The following FAM193A variants were observed in gnomAD, a reference collection of about 807,000 sequenced individuals.
The protein encoded by FAM193A is family with sequence similarity 193 member A.
A neutral mutation model predicts 126.5 loss-of-function variants in FAM193A; 22 were observed. The ratio of observed to expected loss-of-function variants is 0.17; its 90% confidence interval spans 0.12 to 0.25. The LOEUF (loss-of-function observed/expected upper bound fraction) is 0.25, where lower values mean the gene tolerates loss of function less well. Ranked by LOEUF, FAM193A falls within the 10% of genes least tolerant of loss-of-function variation. The probability of loss-of-function intolerance (pLI) is 1.00; values close to 1 mark genes in which losing one functional copy is unlikely to be tolerated. For synonymous variants in FAM193A, 761 were observed against 646.8 expected, an observed-to-expected ratio of 1.18 and a Z score of -2.68; for missense variants, 1,675 against 1,672.8, an observed-to-expected ratio of 1.00 and a Z score of -0.02.
Position 2,631,106 on chromosome 4 carries a change from G to A in FAM193A, c.975G>A (p.Leu325=), listed in dbSNP as rs1474127807. The change falls in exon 5 of 21, where the codon CTG becomes CTA. Residue 325 remains leucine (L), a synonymous_variant. Coordinates refer to ENST00000637812, the MANE Select transcript of FAM193A (RefSeq NM_001366318.2). ...PPQAHQFISL[L]LEEYGALCQA... ...AAGCGCACCAGTTCATCTCCCTCCTGCTTGAGGAGTACGGCGCCCTCTGCC... is the reference window on the plus strand; with the variant it reads ...AAGCGCACCAGTTCATCTCCCTCCTACTTGAGGAGTACGGCGCCCTCTGCC... The A allele has an allele frequency of 1.9e-6, 3 of 1,613,796 alleles. No homozygotes were observed. In the African/African-American group the frequency reaches 4.0e-5, roughly 22 times the overall value.
intron 7 of FAM193A, among the ~76,000 whole-genome samples, chr4:2,651,757 C>T (rs1745691448): frequency 6.6e-6 from 1 of 152,210 alleles, no homozygotes; most frequent in Non-Finnish European, 1.5e-5. Context: ...GCCTCGCTGC[C>T]TGTCCTCAGG....
At chr4:2,611,256 A>G (rs112849561) in intron 2 of FAM193A, among the ~76,000 whole-genome samples, 7 of 151,276 alleles carry the variant, frequency 4.6e-5, no homozygotes, top group Admixed American at 4.0e-4. Context: ...TTTAATCTGC[A>G]TTTTCTATTT....
At chr4:2,726,064 A>AT (rs1720715703) in intron 20 of FAM193A, among the ~76,000 whole-genome samples, 1 of 151,394 alleles carries the variant, frequency 6.6e-6, no homozygotes, top group African/African-American at 2.4e-5. Flanking sequence ...ACGCCTGGCA[A>AT]TTTTTTTTGT....
intron 6 of FAM193A, among the ~76,000 whole-genome samples, chr4:2,641,168 G>C (rs568140589): frequency 7.3e-4 from 111 of 151,552 alleles, no homozygotes; most frequent in African/African-American, 2.5e-3. Context: ...AGCCTTCTGA[G>C]TAGCTGGGAT....
chr4:2,654,969 A>C, intron 7 of FAM193A: 1 of 528,564 alleles, frequency 1.9e-6, no homozygotes, highest in East Asian at 3.0e-5. Flanking sequence ...TGAATCTGGG[A>C]GTCTAGGAAA....
chr4:2,651,330 C>CA (rs200661378), intron 7 of FAM193A, among the ~76,000 whole-genome samples: 2,390 of 150,458 alleles, frequency 0.016, 57 homozygotes, highest in African/African-American at 0.055. Context: ...AACTCTGTCT[C>CA]AAAAAAAAAC....
chr4:2,573,688 A>C (rs986046117), intron 1 of FAM193A, among the ~76,000 whole-genome samples: 1 of 151,798 alleles, frequency 6.6e-6, no homozygotes, highest in African/African-American at 2.4e-5. Flanking sequence ...CTGGGAGCCT[A>C]CCTGTCGGGC....
chr4:2,567,857 C>A (rs952560222), intron 1 of FAM193A, among the ~76,000 whole-genome samples: 1 of 152,180 alleles, frequency 6.6e-6, no homozygotes, highest in Non-Finnish European at 1.5e-5. Flanking sequence ...ACTTCTTGGG[C>A]ACCTCAATCA....
At chr4:2,603,348 G>A (rs932056894) in intron 2 of FAM193A, among the ~76,000 whole-genome samples, 2 of 148,174 alleles carry the variant, frequency 1.3e-5, no homozygotes, top group African/African-American at 2.5e-5. Flanking sequence ...TCAATGGCGT[G>A]ATTTCGGCTC....
intron 20 of FAM193A, among the ~76,000 whole-genome samples, chr4:2,720,647 T>TAAA (rs200511084): frequency 1.7e-5 from 2 of 118,834 alleles, no homozygotes; most frequent in Non-Finnish European, 1.8e-5. Context: ...AGACTCTGTC[T>TAAA]AAAAAAAAAA....
At chr4:2,603,593 A>G (rs1741349981) in intron 2 of FAM193A, among the ~76,000 whole-genome samples, 1 of 149,472 alleles carries the variant, frequency 6.7e-6, no homozygotes, top group Non-Finnish European at 1.5e-5. Context: ...AGTAGCTGGG[A>G]CTACGGGTGC....
At chr4:2,639,119 G>C (rs113648972) in intron 5 of FAM193A, among the ~76,000 whole-genome samples, 28 of 152,296 alleles carry the variant, frequency 1.8e-4, no homozygotes, top group African/African-American at 6.5e-4. Context: ...CAGTGATCTT[G>C]TGTTGGGGGC....
At chr4:2,626,682 G>A (rs1394849605) in intron 4 of FAM193A, 105 bp downstream of exon 4, 4 of 610,240 alleles carry the variant, frequency 6.6e-6, no homozygotes, top group Non-Finnish European at 1.2e-5. Flanking sequence ...GTGCTCAGCT[G>A]GGTTTGCTTA....
intron 13 of FAM193A, among the ~76,000 whole-genome samples, chr4:2,677,833 C>G (rs1714601214): frequency 6.6e-6 from 1 of 151,916 alleles, no homozygotes; most frequent in South Asian, 2.1e-4. Context: ...CTTCAAAATA[C>G]ATCATTGGCA....
chr4:2,619,484 T>G (rs1742409932), intron 2 of FAM193A, among the ~76,000 whole-genome samples: 1 of 151,876 alleles, frequency 6.6e-6, no homozygotes, highest in Non-Finnish European at 1.5e-5. Context: ...TTTTGTATTT[T>G]TAGTAGAGCT....
At chr4:2,625,962 G>C (rs532977536) in intron 3 of FAM193A, among the ~76,000 whole-genome samples, 1 of 152,058 alleles carries the variant, frequency 6.6e-6, no homozygotes, top group South Asian at 2.1e-4. Context: ...GGACTCAAAC[G>C]ATTAGCCCGT....
chr4:2,603,290 G>T (rs1467749872), intron 2 of FAM193A, among the ~76,000 whole-genome samples: 1 of 139,510 alleles, frequency 7.2e-6, no homozygotes. Context: ...GGCTTTTTTT[G>T]TTTTTTTTTT....
intron 1 of FAM193A, among the ~76,000 whole-genome samples, chr4:2,587,503 G>A (rs1184178267): frequency 6.6e-6 from 1 of 152,120 alleles, no homozygotes; most frequent in African/African-American, 2.4e-5. Context: ...GACTAGCCTG[G>A]CGACCTAGCA....
intron 6 of FAM193A, among the ~76,000 whole-genome samples, chr4:2,642,732 CTTT>C (rs1209422669): frequency 6.6e-5 from 9 of 135,430 alleles, no homozygotes; most frequent in Admixed American, 7.5e-5. Context: ...AAACTCCCAT[CTTT>C]TTTTTTTTTT....
Sources: gnomAD v4.1 joint callset for allele counts (sites outside exome capture counted in the v4.1 genomes callset) on GRCh38, gnomAD v4.1.1 for gene constraint, MANE v1.5 for transcripts, NCBI Gene and HGNC (gene_info 2026-07-23, HGNC 2026-07-21) for gene names.